Variants in CCNB1IP1 observed in about 807,000 individuals in gnomAD.
CCNB1IP1 encodes the protein cyclin B1 interacting protein 1.
CCNB1IP1 carries 14 observed loss-of-function variants against 25.6 expected under a neutral mutation model. The ratio of observed to expected loss-of-function variants is 0.55; its 90% CI spans 0.36 to 0.85. The LOEUF is 0.85. CCNB1IP1 is among the 40% of genes least tolerant of loss of function. The probability of loss-of-function intolerance (pLI) is 0.01; values close to 1 mark genes in which losing one functional copy is unlikely to be tolerated. For missense variants in CCNB1IP1, 278 were observed against 342.4 expected (o/e 0.81, Z 1.48); for synonymous variants, 119 against 116.1 (o/e 1.02, Z -0.16).
intron 4 of CCNB1IP1, 133 bp from the exon 5 acceptor site, chr14:20,316,693 T>C (rs1882710692): frequency 1.7e-6 from 1 of 575,116 alleles, no homozygotes; most frequent in East Asian, 2.8e-5. Context: ...TTATTATAAT[T>C]GATATATTGA....
intron 3 of CCNB1IP1, 48 bp downstream of exon 3, chr14:20,326,668 T>G (rs1337130264): frequency 3.1e-6 from 1 of 323,464 alleles, no homozygotes; most frequent in Non-Finnish European, 6.4e-6. Context: ...TGCTAAGTGA[T>G]TAGAAATCCA....
chr14:20,321,601 T>A (rs1882898540), intron 4 of CCNB1IP1, among the ~76,000 whole-genome samples: 1 of 152,124 alleles, frequency 6.6e-6, no homozygotes, highest in African/African-American at 2.4e-5. Context: ...ACAGGCACGC[T>A]GCCCCACCCA....
chr14:20,328,478 TAA>T (rs1883142752), intron 2 of CCNB1IP1, among the ~76,000 whole-genome samples: 1 of 152,176 alleles, frequency 6.6e-6, no homozygotes, highest in African/African-American at 2.4e-5. Flanking sequence ...CAAGGTTAAC[TAA>T]GAGAATGTAG....
intron 5 of CCNB1IP1, chr14:20,315,754 A>G (rs1188699701): frequency 1.6e-6 from 2 of 1,232,826 alleles, no homozygotes; most frequent in African/African-American, 3.2e-5. Flanking sequence ...ATAGTTAACT[A>G]AAAAATATTT....
chr14:20,315,570 TC>T, intron 5 of CCNB1IP1: 1 of 1,275,728 alleles, frequency 7.8e-7, no homozygotes, highest in South Asian at 1.3e-5. Flanking sequence ...AACAATACAT[TC>T]AAGGACATGC....
At chr14:20,316,195 C>T (rs756547061) in intron 5 of CCNB1IP1, 32 bp downstream of exon 5, 1 of 1,572,490 alleles carries the variant, frequency 6.4e-7, no homozygotes, top group Non-Finnish European at 8.7e-7. Context: ...CCATAAATCA[C>T]ATGCTCAAGA....
At chr14:20,320,380 GT>G in intron 4 of CCNB1IP1, 1 of 454,858 alleles carries the variant, frequency 2.2e-6, no homozygotes, top group Non-Finnish European at 4.4e-6. Context: ...TGGTAGTCTA[GT>G]CTGTAACATT....
intron 4 of CCNB1IP1, chr14:20,318,231 T>C (rs1360897996): frequency 6.6e-6 from 1 of 152,244 alleles, no homozygotes; most frequent in Non-Finnish European, 1.5e-5. Flanking sequence ...CCCAACACTT[T>C]GGGAGGCTGA....
chr14:20,330,868 C>A (rs1446736940), intron 1 of CCNB1IP1: 1 of 152,274 alleles, frequency 6.6e-6, no homozygotes, highest in Non-Finnish European at 1.5e-5. Flanking sequence ...GCGTGAGCCA[C>A]CGCGCCCGGC....
At chr14:20,318,825 C>T (rs1594278146) in intron 4 of CCNB1IP1, among the ~76,000 whole-genome samples, 2 of 152,140 alleles carry the variant, frequency 1.3e-5, no homozygotes, top group African/African-American at 4.8e-5. Context: ...TGCTGTGACG[C>T]GATCTCGGCT....
chr14:20,311,956 T>G (rs1594272548), intron 6 of CCNB1IP1, among the ~76,000 whole-genome samples: 2 of 152,140 alleles, frequency 1.3e-5, no homozygotes, highest in Non-Finnish European at 2.9e-5. Flanking sequence ...AGAAAAAATA[T>G]AACTGAAATA....
At chr14:20,319,625 T>C (rs1444512737) in intron 4 of CCNB1IP1, among the ~76,000 whole-genome samples, 1 of 152,236 alleles carries the variant, frequency 6.6e-6, no homozygotes, top group Non-Finnish European at 1.5e-5. Flanking sequence ...TAACAACATG[T>C]ACTGCAAATA....
intron 4 of CCNB1IP1, chr14:20,318,049 G>A (rs1210067212): frequency 6.6e-6 from 1 of 152,258 alleles, no homozygotes; most frequent in African/African-American, 2.4e-5. Context: ...TGTTGAGGTA[G>A]TCCACCATTT....
intron 1 of CCNB1IP1, among the ~76,000 whole-genome samples, chr14:20,332,174 A>C (rs893804657): frequency 6.6e-6 from 1 of 151,024 alleles, no homozygotes; most frequent in Non-Finnish European, 1.5e-5. Flanking sequence ...AGCTGGGATT[A>C]CAGGCATGCG....
intron 6 of CCNB1IP1, among the ~76,000 whole-genome samples, chr14:20,312,925 A>C (rs983434723): frequency 1.3e-5 from 2 of 152,028 alleles, no homozygotes; most frequent in African/African-American, 4.8e-5. Flanking sequence ...CTGACAACTT[A>C]AGAACTGTAC....
intron 6 of CCNB1IP1, among the ~76,000 whole-genome samples, chr14:20,312,880 G>A (rs2138838499): frequency 6.6e-6 from 1 of 151,916 alleles, no homozygotes; most frequent in African/African-American, 2.4e-5. Flanking sequence ...TTGATAAATG[G>A]AAAAATGATT....
At chr14:20,321,959 G>C (rs1483179496) in intron 4 of CCNB1IP1, among the ~76,000 whole-genome samples, 5 of 152,152 alleles carry the variant, frequency 3.3e-5, no homozygotes, top group Non-Finnish European at 7.3e-5. Context: ...GTATACTTTA[G>C]TCAAAACAAT....
Position 20,316,459 on chromosome 14 carries a change from T to C in CCNB1IP1, c.65A>G (p.Tyr22Cys). Reference sequence around the variant, plus strand: ...GTGAGAGCAGGCAGTGACCCATGCATAGCCAGAGAGTTTGATGCGACACTT... The same window carrying C: ...GTGAGAGCAGGCAGTGACCCATGCACAGCCAGAGAGTTTGATGCGACACTT... ...YRKCRIKLSG[Y>C]AWVTACSHIF... Residue 22 changes from tyrosine (Y) to cysteine (C), a missense_variant, in exon 5 of 7, where the codon TAT (tyrosine) becomes TGT (cysteine). Tyr to Cys is a radical substitution (Grantham distance 194). Coordinates refer to ENST00000358932, the MANE Select transcript of CCNB1IP1 (RefSeq NM_021178.5). The C allele has an allele frequency of 1.2e-6, 2 of 1,613,686 alleles. No individual in the cohort carries two copies. The highest frequency in any genetic ancestry group is 1.7e-6 in the Non-Finnish European group (2 of 1,179,974).
chr14:20,329,989 G>T (rs1371804815), intron 1 of CCNB1IP1, among the ~76,000 whole-genome samples: 2 of 151,792 alleles, frequency 1.3e-5, no homozygotes, highest in African/African-American at 2.4e-5. Context: ...TTGCACTGTA[G>T]CTGGCATGGA....
Sources: gnomAD v4.1 joint callset for allele counts (sites outside exome capture counted in the v4.1 genomes callset) on GRCh38, gnomAD v4.1.1 for gene constraint, MANE v1.5 for transcripts, NCBI Gene and HGNC (gene_info 2026-07-23, HGNC 2026-07-21) for gene names.